WDR7: variants seen among roughly 807,000 people sequenced by gnomAD.
WDR7 encodes WD repeat domain 7, also known as WD repeat-containing protein 7.
WDR7 carries 46 observed loss-of-function variants against 169.4 expected under a neutral mutation model. That is an observed-to-expected ratio of 0.27 (90% CI 0.21 to 0.35). The LOEUF is 0.35. Ranked by LOEUF, WDR7 falls within the 10% of genes least tolerant of loss-of-function variation. The pLI is 1.00. For missense variants in WDR7, 1,534 were observed against 1,859.3 expected, an observed-to-expected ratio of 0.83 and a Z score of 3.22; for synonymous variants, 612 against 666.8, an observed-to-expected ratio of 0.92 and a Z score of 1.27.
chr18:56,756,764 C>T lies in WDR7; in HGVS notation c.2171C>T (p.Ser724Phe), dbSNP rs780303667. 6.2e-7 allele frequency: 1 copy of T among 1,614,122 alleles called. No individual in the cohort carries two copies. The highest frequency in any genetic ancestry group is 8.5e-7 in the Non-Finnish European group (1 of 1,180,012). Reference protein sequence around the residue: ...LISPENLQKASGSSDKGGSFL... With the variant: ...LISPENLQKAFGSSDKGGSFL... ...TCCCCAGAGAATTTGCAAAAAGCAT[C>T]TGGCAGTTCAGACAAAGGGGGCTCT... Residue 724 changes from serine to phenylalanine, a missense_variant, in exon 15 of 28, where the codon TCT (serine) becomes TTT (phenylalanine). By Grantham distance (155) the Ser-to-Phe change is radical. Transcript: ENST00000254442.
intron 21 of WDR7, among the ~76,000 whole-genome samples, chr18:56,883,226 A>C (rs2046136920): frequency 6.6e-6 from 1 of 151,764 alleles, no homozygotes; most frequent in African/African-American, 2.4e-5. Context: ...AAAAAAAAAA[A>C]AAAAGCAGGA....
At chr18:56,667,517 A>G (rs1034508777) in intron 1 of WDR7, among the ~76,000 whole-genome samples, 2 of 152,044 alleles carry the variant, frequency 1.3e-5, no homozygotes, top group Non-Finnish European at 2.9e-5. Flanking sequence ...GGAACCTTGT[A>G]TTTTCTCTCA....
chr18:56,785,830 CT>C (rs112540201), intron 19 of WDR7, among the ~76,000 whole-genome samples: 22,924 of 139,638 alleles, frequency 0.16, 2,027 homozygotes, highest in Non-Finnish European at 0.2. Flanking sequence ...TTTTCTTTTT[CT>C]TTTTTTTTTT....
At chr18:56,733,739 A>T (rs2026637033) in intron 14 of WDR7, among the ~76,000 whole-genome samples, 1 of 152,166 alleles carries the variant, frequency 6.6e-6, no homozygotes, top group Admixed American at 6.5e-5. Context: ...ATTACTGTGA[A>T]GGAGTCTTTT....
chr18:56,824,416 T>G (rs140153436), intron 20 of WDR7, among the ~76,000 whole-genome samples: 1 of 152,336 alleles, frequency 6.6e-6, no homozygotes, highest in South Asian at 2.1e-4. Context: ...ACTTTTACCT[T>G]CTTGTATGCC....
chr18:56,658,529 A>G (rs1283665309), intron 1 of WDR7, among the ~76,000 whole-genome samples: 3 of 152,192 alleles, frequency 2.0e-5, no homozygotes, highest in African/African-American at 7.2e-5. Flanking sequence ...TAGTTGGTAT[A>G]TGTCAGTGAT....
At chr18:56,968,442 G>A (rs1040945525) in intron 26 of WDR7, among the ~76,000 whole-genome samples, 2 of 152,152 alleles carry the variant, frequency 1.3e-5, no homozygotes, top group African/African-American at 4.8e-5. Context: ...TCATCAAATT[G>A]TTGTTTCTGT....
chr18:57,021,583 T>G (rs1027391776), intron 27 of WDR7, among the ~76,000 whole-genome samples: 2 of 152,216 alleles, frequency 1.3e-5, no homozygotes, highest in Admixed American at 6.5e-5. Context: ...TGCCTATGTT[T>G]AGTTCTGAAT....
At chr18:56,686,053 G>A in intron 6 of WDR7, 21 bp downstream of exon 6, 1 of 1,571,022 alleles carries the variant, frequency 6.4e-7, no homozygotes, top group Non-Finnish European at 8.6e-7. Context: ...GGAAACTGGG[G>A]TGATTTCTCT....
chr18:56,945,850 T>C (rs957648978), intron 25 of WDR7, among the ~76,000 whole-genome samples: 5 of 152,320 alleles, frequency 3.3e-5, no homozygotes, highest in African/African-American at 1.2e-4. Flanking sequence ...ACCTGAGTCA[T>C]TGTTCTCTGT....
intron 21 of WDR7, among the ~76,000 whole-genome samples, chr18:56,922,873 G>A (rs893612419): frequency 1.3e-5 from 2 of 152,024 alleles, no homozygotes; most frequent in Non-Finnish European, 2.9e-5. Context: ...TGGATATGTT[G>A]TATTAAAGTT....
intron 16 of WDR7, among the ~76,000 whole-genome samples, chr18:56,771,221 T>A (rs2044150034): frequency 6.6e-6 from 1 of 152,244 alleles, no homozygotes; most frequent in South Asian, 2.1e-4. Flanking sequence ...GCTTTTGTCA[T>A]TAATTTCCAA....
intron 20 of WDR7, among the ~76,000 whole-genome samples, chr18:56,826,885 T>A (rs1238319303): frequency 6.6e-6 from 1 of 152,218 alleles, no homozygotes; most frequent in Non-Finnish European, 1.5e-5. Context: ...ATGTCTTCTA[T>A]CAGCACATTC....
At chr18:56,860,863 T>G (rs79948190) in intron 20 of WDR7, among the ~76,000 whole-genome samples, 9,972 of 152,118 alleles carry the variant, frequency 0.066, 478 homozygotes, top group East Asian at 0.22. Flanking sequence ...ACATTTACAA[T>G]ATAAATATTT....
At chr18:56,758,728 C>A in intron 15 of WDR7, 137 bp from the exon 16 acceptor site, 3 of 580,476 alleles carry the variant, frequency 5.2e-6, no homozygotes, top group Middle Eastern at 4.0e-4. Context: ...AAAAATCTTT[C>A]TGGAATGGTA....
intron 26 of WDR7, among the ~76,000 whole-genome samples, chr18:56,982,980 A>G (rs963887514): frequency 6.6e-6 from 1 of 152,206 alleles, no homozygotes; most frequent in African/African-American, 2.4e-5. Flanking sequence ...ACCAGCTGTC[A>G]TGTCACACAC....
chr18:56,956,526 G>T (rs2047252856), intron 25 of WDR7, among the ~76,000 whole-genome samples: 1 of 152,134 alleles, frequency 6.6e-6, no homozygotes, highest in East Asian at 1.9e-4. Context: ...GGCCCCGAAA[G>T]AGCTCTTTGG....
intron 21 of WDR7, among the ~76,000 whole-genome samples, chr18:56,882,357 TC>T (rs1355343738): frequency 2.8e-4 from 43 of 152,350 alleles, no homozygotes; most frequent in African/African-American, 1.0e-3. Flanking sequence ...GCTCAATAAC[TC>T]CCTGAGAGTG....
chr18:56,666,150 G>A (rs1160107223), intron 1 of WDR7, among the ~76,000 whole-genome samples: 4 of 149,216 alleles, frequency 2.7e-5, no homozygotes, highest in Non-Finnish European at 3.0e-5. Context: ...GAAGATTTGG[G>A]CACATAGCAT....
Sources: allele counts gnomAD v4.1 joint callset (sites outside exome capture counted in the v4.1 genomes callset), GRCh38; gene constraint gnomAD v4.1.1; transcripts MANE v1.5; gene names NCBI Gene and HGNC (gene_info 2026-07-23, HGNC 2026-07-21).